CDH12: variants seen among roughly 807,000 people sequenced by gnomAD.
The protein encoded by CDH12 is cadherin 12, also known as cadherin-12.
Under a neutral mutation model 74.1 loss-of-function variants are expected in CDH12, and 41 were observed. That is an observed-to-expected ratio of 0.55 (90% CI 0.43 to 0.72). CDH12 has a LOEUF of 0.72. CDH12 is among the 30% of genes least tolerant of loss of function. The probability of loss-of-function intolerance (pLI) is 0.00; values close to 1 mark genes in which losing one functional copy is unlikely to be tolerated. For missense variants in CDH12, 945 were observed against 977.2 expected (o/e 0.97, Z 0.44); for synonymous variants, 399 against 355.0 (o/e 1.12, Z -1.39).
rs550321540 is a variant in CDH12, at chr5:22,017,003, G to T, written c.232-41618C>A. Among the ~76,000 whole-genome samples the T allele has an allele frequency of 5.3e-5, 8 of 152,128 alleles. No individual in the cohort carries two copies. In the South Asian group the frequency reaches 1.7e-3, roughly 32 times the overall value. On this transcript the variant is annotated intron_variant, in intron 5 of 14. Coordinates refer to ENST00000382254, the MANE Select transcript of CDH12 (RefSeq NM_004061.5). The stretch of plus-strand genomic sequence containing the variant: ...CTGCCCCACTCAAAGGAAGACAATA[G>T]CATCTTTGTCTCCACTCTATGACCC...
At chr5:22,250,062 C>A (rs753759922) in intron 3 of CDH12, among the ~76,000 whole-genome samples, 6 of 151,728 alleles carry the variant, frequency 4.0e-5, no homozygotes, top group Admixed American at 6.6e-5. Flanking sequence ...GCAGAAAAAA[C>A]TGAACAGAAT....
intron 1 of CDH12, among the ~76,000 whole-genome samples, chr5:22,756,687 C>T (rs1336798867): frequency 4.6e-5 from 7 of 152,214 alleles, no homozygotes; most frequent in East Asian, 1.9e-4. Context: ...ACTGGCCGGA[C>T]GCGGTGGCTC....
intron 1 of CDH12, among the ~76,000 whole-genome samples, chr5:22,803,317 G>T (rs1339896350): frequency 6.6e-6 from 1 of 152,070 alleles, no homozygotes; most frequent in Non-Finnish European, 1.5e-5. Flanking sequence ...TTAAAAATAT[G>T]CATCATGAAT....
At chr5:22,461,058 C>CG (rs1745494767) in intron 2 of CDH12, among the ~76,000 whole-genome samples, 4 of 81,022 alleles carry the variant, frequency 4.9e-5, no homozygotes, top group Admixed American at 1.9e-4. Flanking sequence ...TTTTTTGAGA[C>CG]AGTCTTGCTG....
intron 3 of CDH12, among the ~76,000 whole-genome samples, chr5:22,374,302 A>T (rs1741428707): frequency 1.3e-5 from 2 of 152,180 alleles, no homozygotes; most frequent in South Asian, 4.1e-4. Flanking sequence ...AGTAGAAGAA[A>T]CATACCTCAA....
intron 4 of CDH12, among the ~76,000 whole-genome samples, chr5:22,104,600 C>T (rs540189764): frequency 4.3e-4 from 66 of 152,184 alleles, no homozygotes; most frequent in African/African-American, 1.2e-3. Context: ...TGTTCAGGAA[C>T]GTGTGCATTA....
chr5:22,294,433 A>G (rs1306663550), intron 3 of CDH12, among the ~76,000 whole-genome samples: 2 of 152,192 alleles, frequency 1.3e-5, no homozygotes, highest in Non-Finnish European at 2.9e-5. Context: ...TCCATAAAGA[A>G]AGTGTATATG....
intron 1 of CDH12, among the ~76,000 whole-genome samples, chr5:22,687,092 G>A (rs1375300559): frequency 6.6e-6 from 1 of 152,078 alleles, no homozygotes; most frequent in Admixed American, 6.5e-5. Context: ...TCAGAAGATC[G>A]AGACCACTCT....
At chr5:22,665,512 T>A (rs575171778) in intron 1 of CDH12, among the ~76,000 whole-genome samples, 1 of 152,314 alleles carries the variant, frequency 6.6e-6, no homozygotes, top group Non-Finnish European at 1.5e-5. Context: ...TGTGCCATGC[T>A]ATATACATGG....
chr5:22,809,477 A>G (rs1749020295), intron 1 of CDH12, among the ~76,000 whole-genome samples: 1 of 151,860 alleles, frequency 6.6e-6, no homozygotes. Context: ...ATGCTTTTAA[A>G]TATATGCTTA....
At chr5:21,886,285 GT>G (rs34186334) in intron 6 of CDH12, among the ~76,000 whole-genome samples, 2,666 of 151,122 alleles carry the variant, frequency 0.018, 73 homozygotes, top group African/African-American at 0.053. Flanking sequence ...AATGAAGTAT[GT>G]TTTTTTTCAT....
At chr5:22,278,135 A>G (rs1736722334) in intron 3 of CDH12, 1 of 152,214 alleles carries the variant, frequency 6.6e-6, no homozygotes, top group South Asian at 2.1e-4. Context: ...ATATTTCTTA[A>G]TAAGAGAAGA....
intron 3 of CDH12, among the ~76,000 whole-genome samples, chr5:22,322,230 T>C (rs1459761218): frequency 1.3e-5 from 2 of 152,042 alleles, no homozygotes; most frequent in Non-Finnish European, 2.9e-5. Context: ...CTTCAAAAGA[T>C]TCTCAAAAGG....
At chr5:21,838,463 G>A (rs1245637378) in intron 8 of CDH12, among the ~76,000 whole-genome samples, 1 of 152,108 alleles carries the variant, frequency 6.6e-6, no homozygotes, top group Non-Finnish European at 1.5e-5. Context: ...GGGAGGCTGA[G>A]ACAGGAGAAT....
intron 1 of CDH12, among the ~76,000 whole-genome samples, chr5:22,742,902 A>AT (rs1745099687): frequency 6.6e-6 from 1 of 151,908 alleles, no homozygotes; most frequent in Non-Finnish European, 1.5e-5. Flanking sequence ...TATTTCCGTG[A>AT]AAGTGTTTTG....
intron 6 of CDH12, among the ~76,000 whole-genome samples, chr5:21,861,596 C>G (rs568766604): frequency 3.3e-5 from 5 of 152,100 alleles, no homozygotes; most frequent in South Asian, 2.1e-4. Flanking sequence ...ACATAAAAAT[C>G]CATCTCACAA....
At position 22,100,062 on chromosome 5, in the gene CDH12, A is replaced by C. The variant is rs1251970344; in HGVS notation, c.-186-21200T>G. Among the ~76,000 whole-genome samples the C allele has an allele frequency of 2.6e-5, 4 of 151,942 alleles. No homozygotes were observed. In the East Asian group the frequency reaches 7.8e-4, roughly 29 times the overall value. ...ACATCGCCCATTATCTCTCCATACC[A>C]TCCCCCAAAATTTTCGCTGTCCCAA... is the stretch of plus-strand genomic sequence containing the variant. On this transcript the variant is annotated intron_variant, in intron 4 of 14. Coordinates refer to ENST00000382254, the MANE Select transcript of CDH12 (RefSeq NM_004061.5).
At chr5:22,510,350 C>T (rs190438762) in intron 1 of CDH12, among the ~76,000 whole-genome samples, 115 of 151,804 alleles carry the variant, frequency 7.6e-4, no homozygotes, top group East Asian at 4.8e-3. Flanking sequence ...TTACCCTATC[C>T]GATATAAAAA....
At chr5:22,840,636 T>C (rs1457516313) in intron 1 of CDH12, among the ~76,000 whole-genome samples, 1 of 152,006 alleles carries the variant, frequency 6.6e-6, no homozygotes, top group African/African-American at 2.4e-5. Flanking sequence ...TCTCTTGAAA[T>C]ATATGAGCAC....
Sources: allele counts gnomAD v4.1 joint callset (sites outside exome capture counted in the v4.1 genomes callset), GRCh38; gene constraint gnomAD v4.1.1; transcripts MANE v1.5; gene names NCBI Gene and HGNC (gene_info 2026-07-23, HGNC 2026-07-21).